Variants in GALNT18 observed in about 807,000 individuals in gnomAD.
GALNT18 encodes the protein GalNAc-transferase 18.
GALNT18 carries 44 observed loss-of-function variants against 69.5 expected under a neutral mutation model. The ratio of observed to expected loss-of-function variants is 0.63; its 90% CI spans 0.50 to 0.81. GALNT18 has a LOEUF of 0.81. Ranked by LOEUF, GALNT18 falls within the 40% of genes least tolerant of loss-of-function variation. The pLI is 0.00. For synonymous variants in GALNT18, 364 were observed against 318.2 expected (o/e 1.14, Z -1.53); for missense variants, 715 against 810.0 (o/e 0.88, Z 1.42).
At chr11:11,425,719 G>C (rs1231408637) in intron 3 of GALNT18, among the ~76,000 whole-genome samples, 2 of 152,126 alleles carry the variant, frequency 1.3e-5, no homozygotes, top group African/African-American at 4.8e-5. Flanking sequence ...ACGTTCACTG[G>C]GCACTTGCTC....
At position 11,614,597 on chromosome 11, in the gene GALNT18, T is replaced by C. The variant is rs886347986; in HGVS notation, c.235+6762A>G. ...CAAGCATATCAAGCACATTCAGCTATTCAAGTGAAGTGAGGTCAGAAATCC... is the reference window on the plus strand; with the variant it reads ...CAAGCATATCAAGCACATTCAGCTACTCAAGTGAAGTGAGGTCAGAAATCC... On this transcript the variant is annotated intron_variant, in intron 1 of 10. Transcript: ENST00000227756. This position sits in a 1 kb window ranked among gnomAD's most constrained non-coding sequence, Gnocchi z 5.6. 6.6e-5 allele frequency among the ~76,000 whole-genome samples: 10 copies of C among 152,200 alleles called. No individual in the cohort carries two copies. The highest frequency in any genetic ancestry group is 1.2e-4 in the Non-Finnish European group (8 of 68,032).
intron 8 of GALNT18, among the ~76,000 whole-genome samples, chr11:11,330,992 A>T (rs188743418): frequency 3.0e-4 from 46 of 152,320 alleles, no homozygotes; most frequent in Non-Finnish European, 5.9e-4. Context: ...CTGGAGCCAC[A>T]GCAGCGTAAC....
In GALNT18 at chr11:11,415,811, G is replaced by C. The variant is rs1212564899; in HGVS notation, c.595+16810C>G. On this transcript the variant is annotated intron_variant, in intron 3 of 10. Transcript: ENST00000227756. This position sits in a 1 kb window ranked among gnomAD's most constrained non-coding sequence, Gnocchi z 4.1. ...TGGGATTTGTTTTTCCTGCCACGTA[G>C]AATTCAGGAATTCAGCAAGCAGCAA... 6.6e-6 allele frequency among the ~76,000 whole-genome samples: 1 copy of C among 152,112 alleles called. No individual in the cohort carries two copies. The highest frequency in any genetic ancestry group is 1.5e-5 in the Non-Finnish European group (1 of 68,042).
At chr11:11,437,507 T>C (rs978945833) in intron 2 of GALNT18, among the ~76,000 whole-genome samples, 1 of 152,016 alleles carries the variant, frequency 6.6e-6, no homozygotes, top group Non-Finnish European at 1.5e-5. Flanking sequence ...TGGAGATATG[T>C]ATGAGGCAAA....
rs1452908869 is a variant in GALNT18, at chr11:11,496,297, A to AGG, written c.236-47362_236-47361insCC. 1.0e-3 allele frequency among the ~76,000 whole-genome samples: 154 copies of AGG among 152,194 alleles called. No homozygotes were observed. Among genetic ancestry groups the AGG allele is most frequent in the African/African-American group, 3.5e-3 (146 of 41,516 alleles). On this transcript the variant is annotated intron_variant, in intron 1 of 10. Coordinates refer to ENST00000227756, the MANE Select transcript of GALNT18 (RefSeq NM_198516.3). The surrounding 1 kb of genome is among the most constrained non-coding windows in gnomAD (Gnocchi z 4.0). ...ATGACAGGCCCCTCTTCTGTGGTTCACCTATCACCAAAAACCCTAGCATCA... is the reference window on the plus strand; with the variant it reads ...ATGACAGGCCCCTCTTCTGTGGTTCAGGCCTATCACCAAAAACCCTAGCATCA...
intron 6 of GALNT18, chr11:11,352,993 G>A (rs898979201): frequency 6.2e-6 from 10 of 1,613,892 alleles, no homozygotes; most frequent in South Asian, 2.2e-5. Flanking sequence ...CCTAATTTTC[G>A]AACCAGCTGG....
At chr11:11,277,063 T>G (rs976812469) in intron 10 of GALNT18, among the ~76,000 whole-genome samples, 2 of 152,206 alleles carry the variant, frequency 1.3e-5, no homozygotes, top group African/African-American at 4.8e-5. Context: ...TTTCTATTGA[T>G]TGGAATAGTT....
chr11:11,480,609 A>G lies in GALNT18; in HGVS notation c.236-31673T>C, dbSNP rs1193662464. The stretch of plus-strand genomic sequence containing the variant: ...ACCTGGTCCCAGTACTGGTTTTGAG[A>G]TCTGATTCTGTAATGCAGTGGCACC... On this transcript the variant is annotated intron_variant, in intron 1 of 10. Transcript: ENST00000227756. The surrounding 1 kb of genome is among the most constrained non-coding windows in gnomAD (Gnocchi z 4.6). 1.3e-5 allele frequency among the ~76,000 whole-genome samples: 2 copies of G among 152,108 alleles called. No individual in the cohort carries two copies. Among genetic ancestry groups the G allele is most frequent in the Admixed American group, 1.3e-4 (2 of 15,274 alleles).
At chr11:11,302,997 C>A (rs1318808864) in intron 9 of GALNT18, among the ~76,000 whole-genome samples, 2 of 152,188 alleles carry the variant, frequency 1.3e-5, no homozygotes, top group African/African-American at 2.4e-5. Context: ...CCTGGAAAAC[C>A]CATCCCATTC....
chr11:11,617,992 A>G lies in GALNT18; in HGVS notation c.235+3367T>C, dbSNP rs1177938484. 6.6e-6 allele frequency among the ~76,000 whole-genome samples: 1 copy of G among 152,180 alleles called. No homozygotes were observed. The highest frequency in any genetic ancestry group is 2.4e-5 in the African/African-American group (1 of 41,428). On this transcript the variant is annotated intron_variant, in intron 1 of 10. Coordinates refer to ENST00000227756, the MANE Select transcript of GALNT18 (RefSeq NM_198516.3). The surrounding 1 kb of genome is among the most constrained non-coding windows in gnomAD (Gnocchi z 4.7). ...GTCTATTTGGTCAAAAAACTTCCCAAAACTGCAATTTACATTCCCAAGAGA... is the reference window on the plus strand; with the variant it reads ...GTCTATTTGGTCAAAAAACTTCCCAGAACTGCAATTTACATTCCCAAGAGA...
At chr11:11,346,048 A>G (rs2133061957) in intron 6 of GALNT18, among the ~76,000 whole-genome samples, 1 of 152,352 alleles carries the variant, frequency 6.6e-6, no homozygotes, top group South Asian at 2.1e-4. Flanking sequence ...CACGTCCTGA[A>G]TAATTTATCC....
chr11:11,301,024 G>A (rs930168125), intron 9 of GALNT18, among the ~76,000 whole-genome samples: 1 of 152,124 alleles, frequency 6.6e-6, no homozygotes, highest in Non-Finnish European at 1.5e-5. Flanking sequence ...TGAGAAGGGG[G>A]AACTTATCCC....
At position 11,591,364 on chromosome 11, in the gene GALNT18, G is replaced by A. The variant is rs1859357969; in HGVS notation, c.235+29995C>T. On this transcript the variant is annotated intron_variant, in intron 1 of 10. Coordinates refer to ENST00000227756, the MANE Select transcript of GALNT18 (RefSeq NM_198516.3). This position sits in a 1 kb window ranked among gnomAD's most constrained non-coding sequence, Gnocchi z 4.8. ...ATATCCCCATCATTATGTGATACAT[G>A]ACTGTATAGATAAAGCATCTAACAC... 6.6e-6 allele frequency among the ~76,000 whole-genome samples: 1 copy of A among 152,138 alleles called. No individual in the cohort carries two copies. The highest frequency in any genetic ancestry group is 2.4e-5 in the African/African-American group (1 of 41,420).
At chr11:11,479,410 C>T (rs993210910) in intron 1 of GALNT18, among the ~76,000 whole-genome samples, 1 of 151,990 alleles carries the variant, frequency 6.6e-6, no homozygotes, top group African/African-American at 2.4e-5. Flanking sequence ...AATAAGAAAT[C>T]AATACATAAT....
chr11:11,376,062 A>C (rs1357629216), intron 5 of GALNT18, among the ~76,000 whole-genome samples: 3 of 152,182 alleles, frequency 2.0e-5, no homozygotes, highest in African/African-American at 7.2e-5. Context: ...CGCAGGGAAC[A>C]TAAAGACACC....
chr11:11,432,909 G>T lies in GALNT18; in HGVS notation c.429-122C>A. 1.1e-6 allele frequency: 1 copy of T among 905,234 alleles called. No homozygotes were observed. Among genetic ancestry groups the T allele is most frequent in the Middle Eastern group, 2.9e-4 (1 of 3,448 alleles). The allele number at this position is 905,234 out of a possible 1,614,324, so 56.1% of individuals were successfully genotyped here. On this transcript the variant is annotated intron_variant, in intron 2 of 10. Coordinates refer to ENST00000227756, the MANE Select transcript of GALNT18 (RefSeq NM_198516.3). This position sits in a 1 kb window ranked among gnomAD's most constrained non-coding sequence, Gnocchi z 5.8. The stretch of plus-strand genomic sequence containing the variant: ...CTCGGGAGTCCAGATTCTTCCAAGG[G>T]CCCCTTCTTTGATGCACTTAAGATG...
chr11:11,570,653 C>G (rs1056584109), intron 1 of GALNT18, among the ~76,000 whole-genome samples: 5 of 152,216 alleles, frequency 3.3e-5, no homozygotes, highest in Non-Finnish European at 7.3e-5. Context: ...CTACTTACAC[C>G]TTGTTTCTCT....
chr11:11,514,117 G>A (rs901629882), intron 1 of GALNT18, among the ~76,000 whole-genome samples: 1 of 152,192 alleles, frequency 6.6e-6, no homozygotes, highest in Non-Finnish European at 1.5e-5. Flanking sequence ...AGAGAAACTT[G>A]GACCCAAACC....
At chr11:11,278,876 G>A (rs1328347415) in intron 10 of GALNT18, among the ~76,000 whole-genome samples, 1 of 152,144 alleles carries the variant, frequency 6.6e-6, no homozygotes, top group East Asian at 1.9e-4. Flanking sequence ...ACACAGAAAT[G>A]ATAAATGCTT....
Sources: gnomAD v4.1 joint callset for allele counts (sites outside exome capture counted in the v4.1 genomes callset) on GRCh38, gnomAD v4.1.1 for gene constraint, Gnocchi (gnomAD v3.1) non-coding constraint, MANE v1.5 for transcripts, NCBI Gene and HGNC (gene_info 2026-07-23, HGNC 2026-07-21) for gene names.